RBM20: variants seen among roughly 807,000 people sequenced by gnomAD.
The protein encoded by RBM20 is RNA binding motif protein 20.
In RBM20, 51 loss-of-function variants were observed where a neutral mutation model predicts 110.1. The observed-to-expected ratio is 0.46, with a 90% CI of 0.37 to 0.59. The LOEUF (loss-of-function observed/expected upper bound fraction) is 0.59. Ranked by LOEUF, RBM20 falls within the 20% of genes least tolerant of loss-of-function variation. RBM20 has a pLI of 0.00. For synonymous variants in RBM20, 589 were observed against 618.2 expected, an observed-to-expected ratio of 0.95 and a Z score of 0.70; for missense variants, 1,512 against 1,574.9, an observed-to-expected ratio of 0.96 and a Z score of 0.68.
intron 9 of RBM20, among the ~76,000 whole-genome samples, chr10:110,818,911 A>G (rs1014755123): frequency 6.6e-6 from 1 of 152,242 alleles, no homozygotes; most frequent in Non-Finnish European, 1.5e-5. Context: ...AGACTTCAGC[A>G]AAGCTTTCAG....
chr10:110,757,118 T>C (rs1843931426), intron 1 of RBM20, among the ~76,000 whole-genome samples: 1 of 152,226 alleles, frequency 6.6e-6, no homozygotes, highest in Non-Finnish European at 1.5e-5. Flanking sequence ...CCCAGCTTCC[T>C]TGACTATGAG....
At chr10:110,811,577 C>T (rs1844767970) in intron 8 of RBM20, among the ~76,000 whole-genome samples, 1 of 152,118 alleles carries the variant, frequency 6.6e-6, no homozygotes, top group African/African-American at 2.4e-5. Context: ...TGTTCTGAAC[C>T]TTACACAGGT....
chr10:110,648,593 G>A (rs1564805317), intron 1 of RBM20, among the ~76,000 whole-genome samples: 2 of 152,160 alleles, frequency 1.3e-5, no homozygotes, highest in Non-Finnish European at 2.9e-5. Context: ...AGGGGAAATA[G>A]GAATACACTT....
intron 2 of RBM20, among the ~76,000 whole-genome samples, chr10:110,782,647 C>A (rs1844369221): frequency 6.6e-6 from 1 of 152,188 alleles, no homozygotes; most frequent in Admixed American, 6.5e-5. Context: ...TCAGCCCCTT[C>A]TCCCCGCCAC....
chr10:110,813,098 A>T lies in RBM20; in HGVS notation c.2550+151A>T, dbSNP rs61862917. ...GCACTGTGCAAGACACTTTATCTCAATGAACTCATTTAATCCTCACAGGTT... is the reference window on the plus strand; with the variant it reads ...GCACTGTGCAAGACACTTTATCTCATTGAACTCATTTAATCCTCACAGGTT... On this transcript the variant is annotated intron_variant, in intron 9 of 13. Coordinates refer to ENST00000369519, the MANE Select transcript of RBM20 (RefSeq NM_001134363.3). Among the ~76,000 whole-genome samples, 13 of 152,336 alleles carry T rather than the reference A, an allele frequency of 8.5e-5. No individual in the cohort carries two copies. The East Asian group carries it at 2.5e-3, about 29-fold the overall frequency.
intron 5 of RBM20, among the ~76,000 whole-genome samples, chr10:110,792,187 CTATG>C (rs1014419374): frequency 7.5e-5 from 11 of 146,112 alleles, no homozygotes; most frequent in Admixed American, 6.2e-4. Flanking sequence ...ATCTATCTAT[CTATG>C]TATCCATCAT....
rs41292592 is a variant in RBM20 at position 110,812,389 on chromosome 10, C to A, written c.1992C>A (p.Pro664=). The A allele has an allele frequency of 6.4e-7, 1 of 1,551,592 alleles. No homozygotes were observed. The highest frequency in any genetic ancestry group is 1.4e-5 in the African/African-American group (1 of 73,060). ...GCTCTTCCCACAGCCCTCCGGGCCC[C>A]TCCCGGGCTGACTGGGGCAATGGCC... ...SCSSSHSPPG[P]SRADWGNGRD... The change falls in exon 9 of 14, where the codon CCC becomes CCA. Residue 664 remains proline (P), a synonymous_variant. Transcript: ENST00000369519.
chr10:110,676,048 A>G (rs187125735), intron 1 of RBM20, among the ~76,000 whole-genome samples: 1 of 152,230 alleles, frequency 6.6e-6, no homozygotes, highest in Admixed American at 6.5e-5. Context: ...GCTAACGGAT[A>G]GTGGGCGCTG....
chr10:110,644,410 T>G lies in RBM20; in HGVS notation c.-45T>G, dbSNP rs1210043506. 2.2e-6 allele frequency: 3 copies of G among 1,387,162 alleles called. No individual in the cohort carries two copies. The highest frequency in any genetic ancestry group is 2.8e-6 in the Non-Finnish European group (3 of 1,069,946). The allele number at this position is 1,387,162 out of a possible 1,614,324, so 85.9% of individuals were successfully genotyped here. On this transcript the variant is annotated 5_prime_UTR_variant, in exon 1 of 14. Coordinates refer to ENST00000369519, the MANE Select transcript of RBM20 (RefSeq NM_001134363.3). This position sits in a 1 kb window ranked among gnomAD's most constrained non-coding sequence, Gnocchi z 4.3. ...AGCGCCCGTGGCCCGGGACCGCCCCTCCCTTGAGCTCTCTCGCCGCGATCC... is the reference window on the plus strand; with the variant it reads ...AGCGCCCGTGGCCCGGGACCGCCCCGCCCTTGAGCTCTCTCGCCGCGATCC...
At chr10:110,669,805 G>A (rs1434410044) in intron 1 of RBM20, among the ~76,000 whole-genome samples, 2 of 152,178 alleles carry the variant, frequency 1.3e-5, no homozygotes, top group Admixed American at 6.5e-5. Flanking sequence ...GGTAGGGATT[G>A]GGGTGGCAAG....
chr10:110,780,541 A>G (rs1170843995), intron 1 of RBM20, among the ~76,000 whole-genome samples: 1 of 151,336 alleles, frequency 6.6e-6, no homozygotes, highest in African/African-American at 2.4e-5. Flanking sequence ...CTAGGCAAAT[A>G]TTTGTTTTGA....
intron 5 of RBM20, among the ~76,000 whole-genome samples, chr10:110,796,661 G>A (rs1409850749): frequency 1.3e-5 from 2 of 152,198 alleles, no homozygotes; most frequent in Non-Finnish European, 2.9e-5. Context: ...GCTGAGTCGG[G>A]AGGATGGCTT....
intron 1 of RBM20, among the ~76,000 whole-genome samples, chr10:110,767,290 G>T (rs1441705807): frequency 1.4e-5 from 2 of 142,204 alleles, no homozygotes; most frequent in Non-Finnish European, 3.1e-5. Context: ...AGGGGCGGCC[G>T]GGCAGAGGTG....
chr10:110,718,752 C>G (rs1481661546), intron 1 of RBM20, among the ~76,000 whole-genome samples: 1 of 151,270 alleles, frequency 6.6e-6, no homozygotes, highest in Non-Finnish European at 1.5e-5. Context: ...GCTGGGATTA[C>G]AGGCACCCGC....
chr10:110,675,395 A>G (rs1317830560), intron 1 of RBM20, among the ~76,000 whole-genome samples: 2 of 152,202 alleles, frequency 1.3e-5, no homozygotes, highest in Admixed American at 1.3e-4. Context: ...CATCATTATG[A>G]GCAGCTGTGT....
At chr10:110,670,401 G>A (rs1036328936) in intron 1 of RBM20, among the ~76,000 whole-genome samples, 6 of 152,196 alleles carry the variant, frequency 3.9e-5, no homozygotes, top group South Asian at 2.1e-4. Flanking sequence ...TAGACTGCCC[G>A]TTGGTGAGAT....
intron 1 of RBM20, among the ~76,000 whole-genome samples, chr10:110,773,484 A>G (rs1465047452): frequency 1.3e-5 from 2 of 152,218 alleles, no homozygotes; most frequent in Non-Finnish European, 2.9e-5. Context: ...ATATTTCTGT[A>G]TTTTAAAATT....
chr10:110,753,918 G>T (rs984685616), intron 1 of RBM20, among the ~76,000 whole-genome samples: 23 of 152,224 alleles, frequency 1.5e-4, no homozygotes, highest in African/African-American at 5.1e-4. Flanking sequence ...CACCTTCTCT[G>T]TGTCAAATCC....
At chr10:110,752,945 A>ATATTTTTTT (rs1433992064) in intron 1 of RBM20, among the ~76,000 whole-genome samples, 3 of 109,014 alleles carry the variant, frequency 2.8e-5, no homozygotes, top group Admixed American at 1.1e-4. Flanking sequence ...ATATATATAT[A>ATATTTTTTT]TTTTTTTTTT....
Sources: gnomAD v4.1 joint callset for allele counts (sites outside exome capture counted in the v4.1 genomes callset) on GRCh38, gnomAD v4.1.1 for gene constraint, Gnocchi (gnomAD v3.1) non-coding constraint, MANE v1.5 for transcripts, NCBI Gene and HGNC (gene_info 2026-07-23, HGNC 2026-07-21) for gene names.